LAMP1: variants seen among roughly 807,000 people sequenced by gnomAD.
LAMP1 encodes lysosome associated membrane protein 1, also known as lysosome-associated membrane glycoprotein 1.
LAMP1 carries 7 observed loss-of-function variants against 37.5 expected under a neutral mutation model. The ratio of observed to expected loss-of-function variants is 0.19; its 90% CI spans 0.11 to 0.35. The LOEUF (loss-of-function observed/expected upper bound fraction) is 0.35. Among genes scored for constraint, LAMP1 ranks in the 10% least tolerant of loss-of-function variants. The pLI is 1.00. For missense variants in LAMP1, 537 were observed against 552.8 expected, an observed-to-expected ratio of 0.97 and a Z score of 0.29; for synonymous variants, 236 against 229.1, an observed-to-expected ratio of 1.03 and a Z score of -0.27.
intron 1 of LAMP1, among the ~76,000 whole-genome samples, chr13:113,304,541 A>T (rs1434810084): frequency 4.6e-5 from 7 of 152,238 alleles, no homozygotes; most frequent in Admixed American, 4.6e-4. Context: ...TGCCGTTAGT[A>T]TGATCCTGCC....
intron 4 of LAMP1, among the ~76,000 whole-genome samples, chr13:113,312,034 C>T (rs368700432): frequency 1.3e-5 from 2 of 152,316 alleles, no homozygotes; most frequent in African/African-American, 2.4e-5. Flanking sequence ...TCACAGCCTT[C>T]TCTAATCTTG....
intron 1 of LAMP1, among the ~76,000 whole-genome samples, chr13:113,299,706 C>G (rs976677771): frequency 3.3e-5 from 5 of 151,548 alleles, no homozygotes; most frequent in African/African-American, 1.2e-4. Flanking sequence ...GTAGCTGGGA[C>G]TACAGGTGCG....
chr13:113,309,708 G>A lies in LAMP1; in HGVS notation c.249G>A (p.Glu83=), dbSNP rs1761271761. The A allele has an allele frequency of 6.2e-7, 1 of 1,614,078 alleles. No homozygotes were observed. The highest frequency in any genetic ancestry group is 8.5e-7 in the Non-Finnish European group (1 of 1,180,044). The change falls in exon 3 of 9, where the codon GAG becomes GAA. Residue 83 remains glutamate (E), a synonymous_variant. Coordinates refer to ENST00000332556, the MANE Select transcript of LAMP1 (RefSeq NM_005561.4). ...VVLNRSSCGK[E]NTSDPSLVIA... ...TCAACCGCAGCTCCTGTGGAAAAGA[G>A]AACACTTCTGACCCCAGTCTCGTGA...
In LAMP1 at chr13:113,320,660, C is replaced by A; in HGVS notation, c.876+190C>A. On this transcript the variant is annotated intron_variant, in intron 6 of 8. Transcript: ENST00000332556. The surrounding 1 kb of genome is among the most constrained non-coding windows in gnomAD (Gnocchi z 4.4). The stretch of plus-strand genomic sequence containing the variant: ...CTTTCCATTCCATTCATAGATGCAG[C>A]AGATGATGTGGGCGGGGCTGCTGTG... 1 of 616,822 alleles carries A rather than the reference C, an allele frequency of 1.6e-6. No individual in the cohort carries two copies. The highest frequency in any genetic ancestry group is 2.0e-5 in the South Asian group (1 of 49,020). The allele number at this position is 616,822 out of a possible 1,614,324, so 38.2% of individuals were successfully genotyped here. A position where few individuals can be genotyped will look rare whatever the true frequency, so the allele number is the denominator to read the frequency against.
At position 113,306,550 on chromosome 13, in the gene LAMP1, A is replaced by G; in HGVS notation, c.127A>G (p.Met43Val). ...AAATGGCAACGGGACCGCGTGCATAATGGCCAACTTCTCTGCTGCCTTCTC... is the reference window on the plus strand; with the variant it reads ...AAATGGCAACGGGACCGCGTGCATAGTGGCCAACTTCTCTGCTGCCTTCTC... Reference protein sequence around the residue: ...VKNGNGTACIMANFSAAFSVN... With the variant: ...VKNGNGTACIVANFSAAFSVN... Residue 43 changes from methionine to valine, a missense_variant, in exon 2 of 9, where the codon ATG (methionine) becomes GTG (valine). Coordinates refer to ENST00000332556, the MANE Select transcript of LAMP1 (RefSeq NM_005561.4). The G allele has an allele frequency of 6.2e-7, 1 of 1,614,152 alleles. No individual in the cohort carries two copies.
rs2042690674 is a variant in LAMP1, at chr13:113,320,293, G to T, written c.751-52G>T. On this transcript the variant is annotated intron_variant, in intron 5 of 8. Transcript: ENST00000332556. This position sits in a 1 kb window ranked among gnomAD's most constrained non-coding sequence, Gnocchi z 4.4. ...GTTTCAGGACTGTTTGTCTTTTCGA[G>T]AGTGTGGAGGACCTGAGCTAGGGTG... is the stretch of plus-strand genomic sequence containing the variant. 1 of 1,608,494 alleles carries T rather than the reference G, an allele frequency of 6.2e-7. No individual in the cohort carries two copies. The highest frequency in any genetic ancestry group is 8.5e-7 in the Non-Finnish European group (1 of 1,176,192).
intron 4 of LAMP1, among the ~76,000 whole-genome samples, chr13:113,312,477 C>T (rs2042635588): frequency 6.6e-6 from 1 of 152,196 alleles, no homozygotes; most frequent in Non-Finnish European, 1.5e-5. Flanking sequence ...TGTAGCTTTG[C>T]GGCAGACTTT....
At chr13:113,319,419 T>C (rs1566403920) in intron 4 of LAMP1, 50 bp from the exon 5 acceptor site, 1 of 1,497,734 alleles carries the variant, frequency 6.7e-7, no homozygotes, top group East Asian at 2.3e-5. Flanking sequence ...CTGTAACTGC[T>C]GATGGTTATG....
At chr13:113,315,279 G>C (rs868734483) in intron 4 of LAMP1, among the ~76,000 whole-genome samples, 7 of 151,222 alleles carry the variant, frequency 4.6e-5, no homozygotes, top group Non-Finnish European at 1.0e-4. Context: ...GGGCCTCCTG[G>C]AGGGAACCAG....
At chr13:113,310,234 TA>T (rs1203686294) in intron 3 of LAMP1, among the ~76,000 whole-genome samples, 1 of 139,822 alleles carries the variant, frequency 7.2e-6, no homozygotes, top group East Asian at 2.2e-4. Flanking sequence ...CTCTAAAAAA[TA>T]AAAAACACAC....
intron 1 of LAMP1, among the ~76,000 whole-genome samples, chr13:113,299,462 A>C (rs1381336981): frequency 2.0e-5 from 3 of 151,824 alleles, no homozygotes; most frequent in African/African-American, 7.3e-5. Context: ...ACTAGGTTTA[A>C]CTATGTTGGT....
Position 113,309,686 on chromosome 13 carries a change from A to C in LAMP1, c.227A>C (p.Asn76Thr), listed in dbSNP as rs774558141. 1 of 1,614,074 alleles carries C rather than the reference A, an allele frequency of 6.2e-7. No individual in the cohort carries two copies. Among genetic ancestry groups the C allele is most frequent in the Non-Finnish European group, 8.5e-7 (1 of 1,180,040 alleles). ...CCATCAGATGCCACAGTGGTGCTCA[A>C]CCGCAGCTCCTGTGGAAAAGAGAAC... The part of the protein sequence containing the change: ...DLPSDATVVL[N>T]RSSCGKENTS... Residue 76 changes from asparagine to threonine, a missense_variant, in exon 3 of 9, where the codon AAC becomes ACC. Coordinates refer to ENST00000332556, the MANE Select transcript of LAMP1 (RefSeq NM_005561.4).
chr13:113,306,387 A>T, intron 1 of LAMP1, 98 bp from the exon 2 acceptor site: 1 of 1,265,188 alleles, frequency 7.9e-7, no homozygotes, highest in Non-Finnish European at 1.1e-6. Context: ...GGAATCTTGT[A>T]ATAAAAGCCA....
chr13:113,319,722 G>A lies in LAMP1; in HGVS notation c.750+66G>A. 2.0e-6 allele frequency: 3 copies of A among 1,463,596 alleles called. No individual in the cohort carries two copies. The South Asian group carries it at 3.6e-5, about 18-fold the overall frequency. 90.7% of individuals were successfully genotyped at this position (1,463,596 alleles called of 1,614,324 possible). A position where few individuals can be genotyped will look rare whatever the true frequency, so the allele number is the denominator to read the frequency against. On this transcript the variant is annotated intron_variant, in intron 5 of 8. Transcript: ENST00000332556. ...TAGGGCTGGAGCCTCTGCTCCCTGT[G>A]CACTGAGAACACGCGTCTCTGCACG... is the stretch of plus-strand genomic sequence containing the variant.
In LAMP1 at chr13:113,319,527, C is replaced by T; in HGVS notation, c.621C>T (p.Ser207=). Reference sequence around the variant, plus strand: ...CCACAGCGCCCCCTGCGCCACCCAGCCCCTCGCCCTCACCCGTGCCCAAGA... The same window carrying T: ...CCACAGCGCCCCCTGCGCCACCCAGTCCCTCGCCCTCACCCGTGCCCAAGA... ...SPTTAPPAPP[S]PSPSPVPKSP... is the part of the protein sequence containing the mutation. The change falls in exon 5 of 9, where the codon AGC becomes AGT. Residue 207 remains serine, a synonymous_variant. Coordinates refer to ENST00000332556, the MANE Select transcript of LAMP1 (RefSeq NM_005561.4). 1 of 1,613,964 alleles carries T rather than the reference C, an allele frequency of 6.2e-7. No individual in the cohort carries two copies.
intron 3 of LAMP1, 74 bp downstream of exon 3, chr13:113,309,936 T>G: frequency 1.6e-6 from 2 of 1,224,664 alleles, no homozygotes; most frequent in Non-Finnish European, 2.4e-6. Context: ...TACTTTTACC[T>G]AAGAAGTACA....
intron 4 of LAMP1, among the ~76,000 whole-genome samples, chr13:113,313,768 G>A (rs1239747330): frequency 8.7e-6 from 1 of 115,402 alleles, no homozygotes; most frequent in Non-Finnish European, 1.7e-5. Flanking sequence ...GGAGATGCCC[G>A]TGTGCCTGGG....
intron 1 of LAMP1, among the ~76,000 whole-genome samples, chr13:113,301,963 C>A (rs1256641519): frequency 6.7e-6 from 1 of 149,754 alleles, no homozygotes; most frequent in East Asian, 2.1e-4. Flanking sequence ...CCCAGGTTCA[C>A]GCCATTCTCC....
chr13:113,297,940 C>A lies in LAMP1; in HGVS notation c.61+445C>A, dbSNP rs545103414. Among the ~76,000 whole-genome samples the A allele has an allele frequency of 6.6e-6, 1 of 152,192 alleles. No individual in the cohort carries two copies. Among genetic ancestry groups the A allele is most frequent in the Non-Finnish European group, 1.5e-5 (1 of 68,044 alleles). ...GGTGGGTGACCTAGATCAAGCTCTT[C>A]CCAACATGGATTTCACCCAGGACAG... On this transcript the variant is annotated intron_variant, in intron 1 of 8. Coordinates refer to ENST00000332556, the MANE Select transcript of LAMP1 (RefSeq NM_005561.4). The surrounding 1 kb of genome is among the most constrained non-coding windows in gnomAD (Gnocchi z 4.4).
Sources: gnomAD v4.1 joint callset for allele counts (sites outside exome capture counted in the v4.1 genomes callset) on GRCh38, gnomAD v4.1.1 for gene constraint, Gnocchi (gnomAD v3.1) non-coding constraint, MANE v1.5 for transcripts, NCBI Gene and HGNC (gene_info 2026-07-23, HGNC 2026-07-21) for gene names.